The following BMP6 variants were observed in gnomAD, a reference collection of about 807,000 sequenced individuals.
BMP6 encodes the protein VG-1-R.
In BMP6, 17 loss-of-function variants were observed where a neutral mutation model predicts 54.1. That is an observed-to-expected ratio of 0.31 (90% CI 0.22 to 0.47). The LOEUF is 0.47. Among genes scored for constraint, BMP6 ranks in the 20% least tolerant of loss-of-function variants. The probability of loss-of-function intolerance (pLI) is 1.00; values close to 1 mark genes in which losing one functional copy is unlikely to be tolerated. For missense variants in BMP6, 720 were observed against 690.4 expected (o/e 1.04, Z -0.48); for synonymous variants, 328 against 291.2 (o/e 1.13, Z -1.28).
Position 7,880,555 on chromosome 6 carries a change from C to A in BMP6, c.*212C>A. The A allele has an allele frequency of 1.6e-6, 1 of 636,934 alleles. No individual in the cohort carries two copies. The highest frequency in any genetic ancestry group is 2.7e-6 in the Non-Finnish European group (1 of 376,186). 39.5% of individuals were successfully genotyped at this position (636,934 alleles called of 1,614,324 possible). On this transcript the variant is annotated 3_prime_UTR_variant, in exon 7 of 7. Coordinates refer to ENST00000283147, the MANE Select transcript of BMP6 (RefSeq NM_001718.6). ...TGAGTAGTTGTTGGTCTGTAGCAAGCTGAGTTTGGATGTCTGTAGCATAAG... is the reference window on the plus strand; with the variant it reads ...TGAGTAGTTGTTGGTCTGTAGCAAGATGAGTTTGGATGTCTGTAGCATAAG...
chr6:7,825,492 G>A lies in BMP6; in HGVS notation c.665-19648G>A, dbSNP rs934824439. The stretch of plus-strand genomic sequence containing the variant: ...TCCCAGCACTTTGGGAGGCTGAGGC[G>A]GGCGGATCACCTGAGGTCAGGAATT... On this transcript the variant is annotated intron_variant, in intron 1 of 6. Coordinates refer to ENST00000283147, the MANE Select transcript of BMP6 (RefSeq NM_001718.6). Among the ~76,000 whole-genome samples the A allele has an allele frequency of 7.9e-5, 12 of 152,014 alleles. No homozygotes were observed. In the East Asian group the frequency reaches 1.9e-3, roughly 25 times the overall value.
intron 1 of BMP6, among the ~76,000 whole-genome samples, chr6:7,751,761 C>T (rs529256046): frequency 1.3e-5 from 2 of 152,302 alleles, no homozygotes; most frequent in African/African-American, 4.8e-5. Flanking sequence ...CCAGGGATCT[C>T]CTTAGCCTAA....
At chr6:7,798,659 C>G (rs1365011364) in intron 1 of BMP6, among the ~76,000 whole-genome samples, 1 of 152,196 alleles carries the variant, frequency 6.6e-6, no homozygotes, top group Non-Finnish European at 1.5e-5. Flanking sequence ...CTCACTCACT[C>G]GGCACTGCTG....
At chr6:7,856,021 A>G (rs1022848368) in intron 2 of BMP6, among the ~76,000 whole-genome samples, 1 of 151,586 alleles carries the variant, frequency 6.6e-6, no homozygotes, top group African/African-American at 2.4e-5. Flanking sequence ...TTTTTTAAAG[A>G]CGAAATAGCC....
At chr6:7,804,355 C>T (rs899607554) in intron 1 of BMP6, among the ~76,000 whole-genome samples, 5 of 152,058 alleles carry the variant, frequency 3.3e-5, no homozygotes, top group African/African-American at 9.7e-5. Flanking sequence ...CATTAGCCAT[C>T]TGGCCATGCA....
chr6:7,726,965 C>T lies in BMP6; in HGVS notation c.10C>T (p.Leu4=). 1 of 1,135,000 alleles carries T rather than the reference C, an allele frequency of 8.8e-7. No individual in the cohort carries two copies. Among genetic ancestry groups the T allele is most frequent in the Non-Finnish European group, 1.1e-6 (1 of 926,098 alleles). 70.3% of individuals were successfully genotyped at this position (1,135,000 alleles called of 1,614,324 possible). The stretch of plus-strand genomic sequence containing the variant: ...GCCCGGCCGGGCGGGGATGCCGGGG[C>T]TGGGGCGGAGGGCGCAGTGGCTGTG... MPG[L]GRRAQWLCWW... The change falls in exon 1 of 7, where the codon CTG becomes TTG. Residue 4 remains leucine (L), a synonymous_variant. Transcript: ENST00000283147.
chr6:7,810,083 A>G, intron 1 of BMP6, among the ~76,000 whole-genome samples: 1 of 152,164 alleles, frequency 6.6e-6, no homozygotes, highest in Non-Finnish European at 1.5e-5. Flanking sequence ...CTAAAGTTGG[A>G]TCTTATTTTC....
chr6:7,875,462 G>A (rs1451245448), intron 4 of BMP6, among the ~76,000 whole-genome samples: 4 of 152,148 alleles, frequency 2.6e-5, no homozygotes, highest in Admixed American at 2.6e-4. Context: ...AGGCTTGCTT[G>A]AGGCTAGGAG....
At chr6:7,844,203 G>A (rs1212410760) in intron 1 of BMP6, among the ~76,000 whole-genome samples, 2 of 152,186 alleles carry the variant, frequency 1.3e-5, no homozygotes, top group African/African-American at 4.8e-5. Context: ...CATCCATGTT[G>A]CAAGTGGCAG....
chr6:7,759,140 A>T (rs1447865212), intron 1 of BMP6, among the ~76,000 whole-genome samples: 1 of 152,220 alleles, frequency 6.6e-6, no homozygotes, highest in Non-Finnish European at 1.5e-5. Flanking sequence ...TTTGACATTC[A>T]ATGAATCAGG....
intron 1 of BMP6, among the ~76,000 whole-genome samples, chr6:7,806,612 A>G (rs184185516): frequency 6.6e-6 from 1 of 152,252 alleles, no homozygotes; most frequent in Non-Finnish European, 1.5e-5. Flanking sequence ...AAAACAAAAA[A>G]AAACAAGTGA....
intron 1 of BMP6, among the ~76,000 whole-genome samples, chr6:7,762,926 G>A (rs575428613): frequency 1.3e-5 from 2 of 152,246 alleles, no homozygotes; most frequent in Non-Finnish European, 2.9e-5. Context: ...TGCAATGACG[G>A]TATCCTGGGA....
chr6:7,760,974 TC>T (rs1482683313), intron 1 of BMP6, among the ~76,000 whole-genome samples: 1 of 152,234 alleles, frequency 6.6e-6, no homozygotes, highest in African/African-American at 2.4e-5. Context: ...CATTGTTCTT[TC>T]TCCCTGGATT....
rs530275386 is a variant in BMP6, at chr6:7,829,796, C to A, written c.665-15344C>A. Among the ~76,000 whole-genome samples the A allele has an allele frequency of 4.6e-5, 7 of 152,262 alleles. No individual in the cohort carries two copies. In the East Asian group the frequency reaches 1.4e-3, roughly 29 times the overall value. ...GGGTCTTCTTTGCCTCCCGCCTCTTCATATGTAGATGTTACTACGCCACAA... is the reference window on the plus strand; with the variant it reads ...GGGTCTTCTTTGCCTCCCGCCTCTTAATATGTAGATGTTACTACGCCACAA... On this transcript the variant is annotated intron_variant, in intron 1 of 6. Transcript: ENST00000283147.
At chr6:7,797,299 C>A (rs959182958) in intron 1 of BMP6, among the ~76,000 whole-genome samples, 1 of 152,192 alleles carries the variant, frequency 6.6e-6, no homozygotes, top group Non-Finnish European at 1.5e-5. Flanking sequence ...GCAGCACCCC[C>A]CTCCCATCCG....
chr6:7,862,421 C>T lies in BMP6; in HGVS notation c.1127C>T (p.Ala376Val). The T allele has an allele frequency of 1.2e-6, 2 of 1,614,232 alleles. No individual in the cohort carries two copies. The highest frequency in any genetic ancestry group is 2.2e-5 in the East Asian group (1 of 44,884). ...SEVHVRTTRSASSRRRQQSRN... is the reference protein window; with the variant it reads ...SEVHVRTTRSVSSRRRQQSRN... ...GTGCACGTGCGCACCACCAGGTCAG[C>T]CTCCAGCCGGCGCCGACAACAGAGT... Residue 376 changes from alanine (A) to valine (V), a missense_variant, in exon 4 of 7, where the codon GCC becomes GTC. Physicochemically the swap from Ala to Val is moderately conservative, Grantham distance 64. This residue lies in a region of BMP6 where 650 missense variants were observed against 556.3 expected (regional missense o/e 1.17). Coordinates refer to ENST00000283147, the MANE Select transcript of BMP6 (RefSeq NM_001718.6).
chr6:7,727,830 C>T (rs1453316657), intron 1 of BMP6, among the ~76,000 whole-genome samples: 1 of 151,438 alleles, frequency 6.6e-6, no homozygotes, highest in African/African-American at 2.4e-5. Context: ...GGGCTGCGCG[C>T]CGAGGCCCCC....
chr6:7,790,859 G>T (rs1163704391), intron 1 of BMP6, among the ~76,000 whole-genome samples: 1 of 152,200 alleles, frequency 6.6e-6, no homozygotes, highest in East Asian at 1.9e-4. Context: ...ACTCTGTTGG[G>T]TCAATTTCTA....
intron 1 of BMP6, among the ~76,000 whole-genome samples, chr6:7,780,819 T>TCC (rs1757932411): frequency 1.6e-5 from 2 of 127,440 alleles, no homozygotes; most frequent in African/African-American, 5.9e-5. Flanking sequence ...CAAGCCATCC[T>TCC]CCCCGTTCAG....
Sources: allele counts gnomAD v4.1 joint callset (sites outside exome capture counted in the v4.1 genomes callset), GRCh38; gene constraint gnomAD v4.1.1; regional missense constraint gnomAD v4.1.1; transcripts MANE v1.5; gene names NCBI Gene and HGNC (gene_info 2026-07-23, HGNC 2026-07-21).